The following TRPV5 variants were observed in gnomAD, a reference collection of about 807,000 sequenced individuals.
The protein encoded by TRPV5 is transient receptor potential cation channel subfamily V member 5.
A neutral mutation model predicts 74.1 loss-of-function variants in TRPV5; 66 were observed. The observed-to-expected ratio is 0.89, with a 90% CI of 0.73 to 1.09. TRPV5 has a LOEUF of 1.09. TRPV5 is among the 50% of genes least tolerant of loss of function. The pLI is 0.00. For synonymous variants in TRPV5, 399 were observed against 360.7 expected, an observed-to-expected ratio of 1.11 and a Z score of -1.20; for missense variants, 936 against 930.4, an observed-to-expected ratio of 1.01 and a Z score of -0.08.
At chr7:142,910,580 G>T (rs1042405485) in intron 13 of TRPV5, among the ~76,000 whole-genome samples, 3 of 152,198 alleles carry the variant, frequency 2.0e-5, no homozygotes, top group African/African-American at 7.2e-5. Context: ...AATTGAAGGA[G>T]TGCAATCTTC....
rs540376157 is a variant in TRPV5, at chr7:142,914,504, G to GA, written c.1519+135dup. 3.6e-4 allele frequency: 302 copies of GA among 850,398 alleles called. 1 individual carries two copies. The African/African-American group carries it at 4.7e-3, about 13-fold the overall frequency. 52.7% of individuals were successfully genotyped at this position (850,398 alleles called of 1,614,324 possible). ...TGCTTTTAGACTTACCTTCCAACAG[G>GA]AAAAAACAAAACAAAAAACAAACAA... On this transcript the variant is annotated intron_variant, in intron 12 of 14. Transcript: ENST00000265310.
At chr7:142,918,745 G>T (rs1311573483) in intron 8 of TRPV5, among the ~76,000 whole-genome samples, 6 of 152,232 alleles carry the variant, frequency 3.9e-5, no homozygotes, top group Non-Finnish European at 5.9e-5. Flanking sequence ...GTTGTCCCCT[G>T]TGAGTAAGAC....
At chr7:142,909,161 G>T (rs2116570681) in intron 14 of TRPV5, among the ~76,000 whole-genome samples, 1 of 152,240 alleles carries the variant, frequency 6.6e-6, no homozygotes, top group South Asian at 2.1e-4. Context: ...TAAATTTGAG[G>T]AGAGAGGAGA....
intron 7 of TRPV5, among the ~76,000 whole-genome samples, chr7:142,927,336 G>A (rs1374455649): frequency 1.3e-5 from 2 of 152,218 alleles, no homozygotes; most frequent in African/African-American, 2.4e-5. Flanking sequence ...AACAGGAACT[G>A]TGTTGTATTT....
rs1376538485 is a variant in TRPV5, at chr7:142,915,367, C to T, written c.1226G>A (p.Arg409Lys). ...ILLLEIPDIFRVGASRYFGKT... is the reference protein window; with the variant it reads ...ILLLEIPDIFKVGASRYFGKT... The stretch of plus-strand genomic sequence containing the variant: ...TCCAAAATAGCGAGAGGCACCAACC[C>T]TGAAGATGTCTGGAATCTGGGGAGA... Residue 409 changes from arginine (R) to lysine (K), a missense_variant, in exon 10 of 15, where the codon AGG becomes AAG. Coordinates refer to ENST00000265310, the MANE Select transcript of TRPV5 (RefSeq NM_019841.7). The T allele has an allele frequency of 2.5e-6, 4 of 1,607,876 alleles. No homozygotes were observed. The highest frequency in any genetic ancestry group is 3.4e-6 in the Non-Finnish European group (4 of 1,178,534).
Position 142,912,548 on chromosome 7 carries a change from G to A in TRPV5, c.1722C>T (p.Phe574=), listed in dbSNP as rs1795717766. Reference sequence around the variant, plus strand: ...AGTGGGTGTCGCCCATCATGGCGATGAACAAGTTGAGCATGAGCAGTGTGG... The same window carrying A: ...AGTGGGTGTCGCCCATCATGGCGATAAACAAGTTGAGCATGAGCAGTGTGG... ...IIATLLMLNL[F]IAMMGDTHWR... is the part of the protein sequence containing the mutation. Residue 574 remains phenylalanine (F), a synonymous_variant, in exon 13 of 15, where the codon TTC becomes TTT. Transcript: ENST00000265310. 6 of 1,614,182 alleles carry A rather than the reference G, an allele frequency of 3.7e-6. No homozygotes were observed. Among genetic ancestry groups the A allele is most frequent in the Non-Finnish European group, 5.1e-6 (6 of 1,179,978 alleles).
At chr7:142,926,315 G>A (rs1037889452) in intron 7 of TRPV5, among the ~76,000 whole-genome samples, 3 of 152,224 alleles carry the variant, frequency 2.0e-5, no homozygotes, top group Non-Finnish European at 4.4e-5. Context: ...GTTACAGGCA[G>A]TAGGATGTGG....
chr7:142,909,425 C>T (rs1304825883), intron 14 of TRPV5, 65 bp downstream of exon 14: 21 of 1,561,234 alleles, frequency 1.3e-5, no homozygotes, highest in African/African-American at 2.7e-5. Context: ...GGACGCCTGT[C>T]GGTCACCCTT....
chr7:142,927,261 T>G (rs1042622057), intron 7 of TRPV5, among the ~76,000 whole-genome samples: 1 of 152,188 alleles, frequency 6.6e-6, no homozygotes, highest in Admixed American at 6.5e-5. Context: ...ACACAACTAT[T>G]ACGGCATATG....
In TRPV5 at chr7:142,930,087, A is replaced by G; in HGVS notation, c.320T>C (p.Phe107Ser). The G allele has an allele frequency of 6.2e-7, 1 of 1,614,144 alleles. No individual in the cohort carries two copies. The highest frequency in any genetic ancestry group is 8.5e-7 in the Non-Finnish European group (1 of 1,179,994). Residue 107 changes from phenylalanine (F) to serine (S), a missense_variant, in exon 3 of 15, where the codon TTT becomes TCT. Transcript: ENST00000265310. ...AAAAGCCTCACATGTGGTGGGCTCA[A>G]AGACCAGCTCTGGGGCAGCCTCCAT... ...VLMEAAPELVFEPTTCEAFAG... is the reference protein window; with the variant it reads ...VLMEAAPELVSEPTTCEAFAG...
intron 8 of TRPV5, among the ~76,000 whole-genome samples, chr7:142,922,255 A>G (rs1361475394): frequency 6.6e-6 from 1 of 152,238 alleles, no homozygotes; most frequent in Non-Finnish European, 1.5e-5. Flanking sequence ...ATAATAATTT[A>G]TTTAATGAAT....
rs571420259 is a variant in TRPV5 at position 142,908,515 on chromosome 7, C to T, written c.2189G>A (p.Ter730=). 1.7e-5 allele frequency: 27 copies of T among 1,613,710 alleles called. No individual in the cohort carries two copies. Among genetic ancestry groups the T allele is most frequent in the Middle Eastern group, 3.3e-4 (2 of 6,058 alleles). ...EGDGEEVYHF[*] is the part of the protein sequence containing the mutation. ...GGTCAAGAGTGATAGCGATGTTAAT[C>T]AAAAATGGTAGACCTCCTCTCCATC... Residue 730 remains the stop codon, a stop_retained_variant, in exon 15 of 15, where the codon TGA becomes TAA. Transcript: ENST00000265310.
chr7:142,931,684 G>A (rs750442392), intron 1 of TRPV5, among the ~76,000 whole-genome samples: 5 of 152,044 alleles, frequency 3.3e-5, no homozygotes, highest in South Asian at 2.1e-4. Flanking sequence ...GAGCCAGGGC[G>A]AAAAAGTGTT....
chr7:142,921,023 G>C (rs2116590342), intron 8 of TRPV5, among the ~76,000 whole-genome samples: 1 of 152,318 alleles, frequency 6.6e-6, no homozygotes, highest in East Asian at 1.9e-4. Flanking sequence ...GTTCCACCAT[G>C]AGTTGGTTAG....
At chr7:142,921,938 T>G (rs1795892922) in intron 8 of TRPV5, among the ~76,000 whole-genome samples, 1 of 152,202 alleles carries the variant, frequency 6.6e-6, no homozygotes. Flanking sequence ...AACTCTCTTT[T>G]CACGTTGAAT....
At chr7:142,928,328 GAGAC>G (rs951877286) in intron 6 of TRPV5, 94 bp from the exon 7 acceptor site, 14 of 1,326,268 alleles carry the variant, frequency 1.1e-5, no homozygotes, top group African/African-American at 1.0e-4. Flanking sequence ...CCCACCCCTT[GAGAC>G]AGACAGACAG....
chr7:142,921,403 T>C (rs1256470777), intron 8 of TRPV5, among the ~76,000 whole-genome samples: 1 of 152,176 alleles, frequency 6.6e-6, no homozygotes, highest in Non-Finnish European at 1.5e-5. Flanking sequence ...TCTCTCAGCC[T>C]CCCGAATAGC....
In TRPV5 at chr7:142,925,629, A is replaced by T. The variant is rs1340959951; in HGVS notation, c.1022T>A (p.Ile341Asn). The T allele has an allele frequency of 1.9e-6, 3 of 1,614,204 alleles. No homozygotes were observed. The highest frequency in any genetic ancestry group is 2.5e-6 in the Non-Finnish European group (3 of 1,180,040). The change falls in exon 8 of 15, where the codon ATC becomes AAC. Residue 341 changes from isoleucine to asparagine, a missense_variant. Transcript: ENST00000265310. ...ILAALYLLYM[I>N]CFTTCCVYRP... ...GTAGACGCAGCACGTAGTAAAGCAG[A>T]TCATGTAGAGCAGGTACAAGGCAGC...
At chr7:142,929,398 AC>A (rs781128826) in intron 4 of TRPV5, 29 bp downstream of exon 4, 18 of 1,605,570 alleles carry the variant, frequency 1.1e-5, no homozygotes, top group Non-Finnish European at 1.5e-5. Flanking sequence ...TCTCCAGCCA[AC>A]CATCCTTCAA....
Sources: gnomAD v4.1 joint callset for allele counts (sites outside exome capture counted in the v4.1 genomes callset) on GRCh38, gnomAD v4.1.1 for gene constraint, MANE v1.5 for transcripts, NCBI Gene and HGNC (gene_info 2026-07-23, HGNC 2026-07-21) for gene names.